The following VPS9D1 variants were observed in gnomAD, a reference collection of about 807,000 sequenced individuals.
VPS9D1 encodes VPS9 domain-containing protein 1.
Under a neutral mutation model 75.8 loss-of-function variants are expected in VPS9D1, and 78 were observed. The observed-to-expected ratio is 1.03, with a 90% confidence interval of 0.86 to 1.24. VPS9D1 has a LOEUF of 1.24. VPS9D1 is among the 50% of genes most tolerant of loss of function. VPS9D1 has a pLI of 0.00. For synonymous variants in VPS9D1, 481 were observed against 385.6 expected, an observed-to-expected ratio of 1.25 and a Z score of -2.90; for missense variants, 1,057 against 847.7, an observed-to-expected ratio of 1.25 and a Z score of -3.07.
Position 89,708,413 on chromosome 16 carries a change from C to T in VPS9D1, c.1802+14G>A. 2 of 1,605,084 alleles carry T rather than the reference C, an allele frequency of 1.2e-6. No individual in the cohort carries two copies. The highest frequency in any genetic ancestry group is 1.7e-6 in the Non-Finnish European group (2 of 1,176,170). On this transcript the variant is annotated intron_variant, in intron 14 of 14. Coordinates refer to ENST00000389386, the MANE Select transcript of VPS9D1 (RefSeq NM_004913.3). ...TTCGCACAGAGACCCCCACCCTGACCCGCCAGGGTCTACCCCTCGTGGATG... is the reference window on the plus strand; with the variant it reads ...TTCGCACAGAGACCCCCACCCTGACTCGCCAGGGTCTACCCCTCGTGGATG...
At chr16:89,716,692 G>T in intron 3 of VPS9D1, 38 bp downstream of exon 3, 5 of 1,595,924 alleles carry the variant, frequency 3.1e-6, no homozygotes, top group Non-Finnish European at 4.3e-6. Context: ...CGGGCTTGGG[G>T]GATGCCCCAG....
chr16:89,709,774 T>C lies in VPS9D1; in HGVS notation c.1388+3A>G, dbSNP rs754306050. The C allele has an allele frequency of 6.8e-6, 11 of 1,613,394 alleles. No homozygotes were observed. The Admixed American group carries it at 1.7e-4, about 24-fold the overall frequency. On this transcript the variant is annotated splice_donor_region_variant and intron_variant, in intron 11 of 14. Coordinates refer to ENST00000389386, the MANE Select transcript of VPS9D1 (RefSeq NM_004913.3). ...GCAGGTGGTTGTACAGCTGGGTCCA[T>C]ACCTGTACAGGGCCAGCAGCAGAGG...
In VPS9D1 at chr16:89,709,905, G is replaced by A; in HGVS notation, c.1260C>T (p.Asp420=). The part of the protein sequence containing the change: ...TAVEEIHNAV[D]RLLSLTLLAF... ...CCAGAAGGGTCAGCGAGAGCAGCCT[G>A]TCTGCTAGGAACAGAGCCGGGGACG... The change falls in exon 11 of 15, where the codon GAC becomes GAT. Residue 420 remains aspartate, a splice_region_variant and synonymous_variant. Coordinates refer to ENST00000389386, the MANE Select transcript of VPS9D1 (RefSeq NM_004913.3). The A allele has an allele frequency of 6.2e-7, 1 of 1,607,352 alleles. No individual in the cohort carries two copies. Among genetic ancestry groups the A allele is most frequent in the Non-Finnish European group, 8.5e-7 (1 of 1,176,512 alleles).
At chr16:89,716,399 A>T in intron 4 of VPS9D1, 63 bp downstream of exon 4, 1 of 1,599,570 alleles carries the variant, frequency 6.3e-7, no homozygotes. Flanking sequence ...TCATCAGCTC[A>T]TCTTTCTCAG....
rs767441848 is a variant in VPS9D1, at chr16:89,710,719, G to A, written c.1125C>T (p.Asp375=). The A allele has an allele frequency of 6.2e-7, 1 of 1,601,480 alleles. No homozygotes were observed. Residue 375 remains aspartate, a synonymous_variant, in exon 10 of 15, where the codon GAC becomes GAT. Transcript: ENST00000389386. The stretch of plus-strand genomic sequence containing the variant: ...CCAGGTCCTCGAACGAGCTGTCCTT[G>A]TCTGGCAATCCAGATGCGGTGTCCC... The part of the protein sequence containing the change: ...PLGDTASGLP[D]KDSSFEDLEQ...
At chr16:89,716,273 G>C (rs1177215414) in intron 4 of VPS9D1, among the ~76,000 whole-genome samples, 189 bp downstream of exon 4, 2 of 152,110 alleles carry the variant, frequency 1.3e-5, no homozygotes, top group Non-Finnish European at 2.9e-5. Context: ...GGCTGAGGCA[G>C]AAGAATGGTG....
intron 4 of VPS9D1, 31 bp from the exon 5 acceptor site, chr16:89,712,747 C>T (rs761824687): frequency 1.3e-6 from 2 of 1,512,130 alleles, no homozygotes; most frequent in South Asian, 2.6e-5. Flanking sequence ...TGTCTAGACC[C>T]CAGGAAGCCC....
At chr16:89,720,697 T>C in intron 1 of VPS9D1, 66 bp downstream of exon 1, 2 of 1,318,316 alleles carry the variant, frequency 1.5e-6, no homozygotes. Context: ...GTCCTCGCCC[T>C]CCCCGGGCGG....
In VPS9D1 at chr16:89,718,238, G is replaced by A. The variant is rs12597095; in HGVS notation, c.175+789C>T. 3,692 of 370,562 alleles carry A rather than the reference G, an allele frequency of 1.0e-2. 400 individuals carry two copies. In the East Asian group the frequency reaches 0.22, roughly 22 times the overall value. 23.0% of individuals were successfully genotyped at this position (370,562 alleles called of 1,614,324 possible). ...GTCTGCTCTGTTCCACCTTCAGGAC[G>A]CACCCCGAGGCCGTTTACTGCTCCC... On this transcript the variant is annotated intron_variant, in intron 2 of 14. Transcript: ENST00000389386.
intron 10 of VPS9D1, 94 bp downstream of exon 10, chr16:89,710,492 A>C: frequency 7.2e-7 from 1 of 1,379,584 alleles, no homozygotes; most frequent in Non-Finnish European, 9.7e-7. Flanking sequence ...AGAGTCTCTG[A>C]TCAACAGACC....
intron 4 of VPS9D1, 60 bp from the exon 5 acceptor site, chr16:89,712,776 G>A (rs2151628759): frequency 7.3e-7 from 1 of 1,367,390 alleles, no homozygotes; most frequent in East Asian, 2.5e-5. Flanking sequence ...CTGGACACCA[G>A]AGGAGTCTCT....
chr16:89,716,079 C>G (rs1472486148), intron 4 of VPS9D1, among the ~76,000 whole-genome samples: 1 of 151,960 alleles, frequency 6.6e-6, no homozygotes, highest in Non-Finnish European at 1.5e-5. Flanking sequence ...AATCCCAGCA[C>G]TGTGGGGGCC....
chr16:89,714,758 C>T (rs147429214), intron 4 of VPS9D1, among the ~76,000 whole-genome samples: 20 of 151,958 alleles, frequency 1.3e-4, no homozygotes, highest in South Asian at 2.1e-4. Flanking sequence ...TTTTTTGAGC[C>T]GGAGTCTCGC....
chr16:89,720,680 CG>C, intron 1 of VPS9D1, 82 bp downstream of exon 1: 4 of 1,283,856 alleles, frequency 3.1e-6, no homozygotes, highest in Non-Finnish European at 3.9e-6. Flanking sequence ...CAGCCCGAGC[CG>C]GCCCCGTCCT....
chr16:89,710,867 C>G lies in VPS9D1; in HGVS notation c.977G>C (p.Arg326Pro). The change falls in exon 10 of 15, where the codon CGG (arginine) becomes CCG (proline). Residue 326 changes from arginine (R) to proline (P), a missense_variant. Coordinates refer to ENST00000389386, the MANE Select transcript of VPS9D1 (RefSeq NM_004913.3). ...CATGCAATGGAGGCTCTGCGAGGGC[C>G]GCAGCCGTCGGCTTCCGGGGTTGGG... is the stretch of plus-strand genomic sequence containing the variant. Reference protein sequence around the residue: ...PTPNPGSRRLRPSQSLHCMLS... With the variant: ...PTPNPGSRRLPPSQSLHCMLS... The G allele has an allele frequency of 1.3e-6, 2 of 1,504,716 alleles. No homozygotes were observed. The highest frequency in any genetic ancestry group is 1.8e-6 in the Non-Finnish European group (2 of 1,128,440). The allele number at this position is 1,504,716 out of a possible 1,614,324, so 93.2% of individuals were successfully genotyped here.
In VPS9D1 at chr16:89,711,966, C is replaced by T. The variant is rs1363302860; in HGVS notation, c.663G>A (p.Arg221=). The part of the protein sequence containing the change: ...RLRLQEAANR[R]FCSQVALTPE... ...GGGTCAGGGCGACTTGGCTGCAAAA[C>T]CTCCTGGGGAGAAAGGCACGCGGTG... The change falls in exon 8 of 15, where the codon AGG becomes AGA. Residue 221 remains arginine, a synonymous_variant. Coordinates refer to ENST00000389386, the MANE Select transcript of VPS9D1 (RefSeq NM_004913.3). The T allele has an allele frequency of 6.4e-7, 1 of 1,550,922 alleles. No individual in the cohort carries two copies. Among genetic ancestry groups the T allele is most frequent in the Non-Finnish European group, 8.7e-7 (1 of 1,146,830 alleles).
intron 4 of VPS9D1, among the ~76,000 whole-genome samples, chr16:89,714,003 C>A (rs528665843): frequency 5.3e-5 from 8 of 152,192 alleles, no homozygotes; most frequent in African/African-American, 1.2e-4. Context: ...GTGACACAAT[C>A]TCAACTCACT....
At chr16:89,714,197 C>T (rs2151631974) in intron 4 of VPS9D1, among the ~76,000 whole-genome samples, 1 of 152,254 alleles carries the variant, frequency 6.6e-6, no homozygotes, top group African/African-American at 2.4e-5. Flanking sequence ...CTTGGCCTTC[C>T]AAAGTGCTGG....
At chr16:89,717,597 C>G (rs984939325) in intron 2 of VPS9D1, 2 of 456,558 alleles carry the variant, frequency 4.4e-6, no homozygotes, top group African/African-American at 2.0e-5. Context: ...TTCTCATAGA[C>G]TCCCATTTTC....
Sources: gnomAD v4.1 joint callset for allele counts (sites outside exome capture counted in the v4.1 genomes callset) on GRCh38, gnomAD v4.1.1 for gene constraint, MANE v1.5 for transcripts, NCBI Gene and HGNC (gene_info 2026-07-23, HGNC 2026-07-21) for gene names.